GRM1: variants seen among roughly 807,000 people sequenced by gnomAD.
GRM1 encodes the protein metabotropic glutamate receptor 1.
In GRM1, 33 loss-of-function variants were observed where a neutral mutation model predicts 90.9. The ratio of observed to expected loss-of-function variants is 0.36; its 90% CI spans 0.28 to 0.49. GRM1 has a LOEUF of 0.49. Among genes scored for constraint, GRM1 ranks in the 20% least tolerant of loss-of-function variants. The pLI, the probability that GRM1 is intolerant of heterozygous loss-of-function variation, is 0.99. For synonymous variants in GRM1, 700 were observed against 613.2 expected, an observed-to-expected ratio of 1.14 and a Z score of -2.09; for missense variants, 1,190 against 1,534.3, an observed-to-expected ratio of 0.78 and a Z score of 3.75.
intron 3 of GRM1, among the ~76,000 whole-genome samples, chr6:146,341,308 T>C (rs1248705492): frequency 1.3e-5 from 2 of 152,204 alleles, no homozygotes; most frequent in East Asian, 3.9e-4. Flanking sequence ...TAGAATTGGC[T>C]CCTTGTTTAT....
intron 7 of GRM1, among the ~76,000 whole-genome samples, chr6:146,415,083 T>A (rs1038538841): frequency 6.6e-6 from 1 of 152,208 alleles, no homozygotes; most frequent in African/African-American, 2.4e-5. Context: ...ACTGGGTGGC[T>A]TATATACCAT....
At chr6:146,312,608 G>A (rs1783816396) in intron 3 of GRM1, among the ~76,000 whole-genome samples, 1 of 152,038 alleles carries the variant, frequency 6.6e-6, no homozygotes, top group Non-Finnish European at 1.5e-5. Flanking sequence ...TACCATATTG[G>A]ACAGCATAGA....
At chr6:146,132,688 C>T (rs1438984500) in intron 1 of GRM1, among the ~76,000 whole-genome samples, 2 of 152,204 alleles carry the variant, frequency 1.3e-5, no homozygotes, top group Non-Finnish European at 2.9e-5. Context: ...CCTAATCCTT[C>T]AGAATCAAGA....
chr6:146,243,039 T>G (rs564128110), intron 2 of GRM1, among the ~76,000 whole-genome samples: 1 of 152,246 alleles, frequency 6.6e-6, no homozygotes, highest in East Asian at 1.9e-4. Context: ...TGACCTTTAA[T>G]TAAGTAAGCC....
chr6:146,317,716 C>T (rs775797267), intron 3 of GRM1, among the ~76,000 whole-genome samples: 6 of 152,200 alleles, frequency 3.9e-5, no homozygotes, highest in African/African-American at 9.6e-5. Flanking sequence ...CTATCTGGAA[C>T]ATTGATAGTT....
Position 146,433,911 on chromosome 6 carries a change from A to C in GRM1, c.2700A>C (p.Gly900=), listed in dbSNP as rs761130301. Residue 900 remains glycine (G), a synonymous_variant, in exon 8 of 8, where the codon GGA becomes GGC. Transcript: ENST00000282753. ...GKSVSWSEPG[G]GQVPKGQHMW... ...CTGTGTCATGGTCTGAACCAGGTGG[A>C]GGACAGGTGCCCAAGGGACAGCATA... The C allele has an allele frequency of 6.2e-6, 10 of 1,613,886 alleles. No individual in the cohort carries two copies. Among genetic ancestry groups the C allele is most frequent in the Non-Finnish European group, 8.5e-6 (10 of 1,179,772 alleles).
At chr6:146,310,034 G>A (rs1783720453) in intron 3 of GRM1, among the ~76,000 whole-genome samples, 2 of 152,144 alleles carry the variant, frequency 1.3e-5, no homozygotes, top group African/African-American at 4.8e-5. Context: ...TGGACACAAT[G>A]ACTTTTAAAA....
chr6:146,032,389 A>G (rs987413032), intron 1 of GRM1, among the ~76,000 whole-genome samples: 1 of 152,198 alleles, frequency 6.6e-6, no homozygotes, highest in African/African-American at 2.4e-5. Flanking sequence ...TATTAAACGT[A>G]ACATCTGTAA....
intron 1 of GRM1, among the ~76,000 whole-genome samples, 166 bp from the exon 2 acceptor site, chr6:146,159,182 T>C (rs1039996275): frequency 6.6e-6 from 1 of 152,262 alleles, no homozygotes; most frequent in Non-Finnish European, 1.5e-5. Flanking sequence ...TTACATTTGA[T>C]TACTCTCTTT....
intron 1 of GRM1, among the ~76,000 whole-genome samples, chr6:146,091,895 G>A (rs1009279188): frequency 1.3e-5 from 2 of 152,076 alleles, no homozygotes; most frequent in Admixed American, 6.6e-5. Flanking sequence ...TCAGAGAAAA[G>A]TCAAGCTCAA....
chr6:146,434,380 G>T lies in GRM1; in HGVS notation c.3169G>T (p.Gly1057Cys), dbSNP rs1778521708. Reference sequence around the variant, plus strand: ...TCACGCGGTGCTGGCAGGCCCCGGTGGTCCCGGGAACGGGCTGCGGTCCCT... The same window carrying T: ...TCACGCGGTGCTGGCAGGCCCCGGTTGTCCCGGGAACGGGCTGCGGTCCCT... ...DFHAVLAGPG[G>C]PGNGLRSLYP... The change falls in exon 8 of 8, where the codon GGT becomes TGT. Residue 1057 changes from glycine (G) to cysteine (C), a missense_variant. Physicochemically the swap from Gly to Cys is radical, Grantham distance 159. This residue lies in a region of GRM1 where 400 missense variants were observed against 360.8 expected (regional missense o/e 1.11). Transcript: ENST00000282753. 6.2e-7 allele frequency: 1 copy of T among 1,613,130 alleles called. No individual in the cohort carries two copies. Among genetic ancestry groups the T allele is most frequent in the African/African-American group, 1.3e-5 (1 of 74,938 alleles).
intron 7 of GRM1, among the ~76,000 whole-genome samples, chr6:146,425,487 G>T (rs570143905): frequency 1.3e-5 from 2 of 151,682 alleles, no homozygotes; most frequent in East Asian, 1.9e-4. Flanking sequence ...TCTTTGATTT[G>T]CCAGGAGCCA....
intron 7 of GRM1, among the ~76,000 whole-genome samples, chr6:146,419,883 A>T (rs1014460692): frequency 1.3e-5 from 2 of 152,200 alleles, no homozygotes; most frequent in African/African-American, 4.8e-5. Context: ...TTACAATTTG[A>T]GATGGGATTT....
intron 3 of GRM1, among the ~76,000 whole-genome samples, chr6:146,334,620 A>G (rs1260048290): frequency 6.6e-6 from 1 of 152,184 alleles, no homozygotes; most frequent in Non-Finnish European, 1.5e-5. Context: ...ATTGGTCAGT[A>G]TGAATAAACT....
chr6:146,030,177 A>T lies in GRM1; in HGVS notation c.660A>T (p.Lys220Asn), dbSNP rs1406153340. Residue 220 changes from lysine to asparagine, a missense_variant, in exon 1 of 8, where the codon AAA becomes AAT. Lys to Asn is a moderately conservative substitution (Grantham distance 94). Transcript: ENST00000282753. The part of the protein sequence containing the change: ...LQARAMLDIV[K>N]RYNWTYVSAV... ...CAAGGGCCATGCTTGACATAGTCAA[A>T]CGTTACAATTGGACCTATGTCTCTG... The T allele has an allele frequency of 1.2e-6, 2 of 1,613,774 alleles. No homozygotes were observed. The highest frequency in any genetic ancestry group is 1.7e-5 in the Admixed American group (1 of 60,026).
chr6:146,377,104 T>C (rs1268065021), intron 5 of GRM1, among the ~76,000 whole-genome samples: 1 of 152,080 alleles, frequency 6.6e-6, no homozygotes, highest in Non-Finnish European at 1.5e-5. Context: ...TTAAACCTTT[T>C]TCCTTTATAA....
chr6:146,338,480 T>C (rs1784856969), intron 3 of GRM1, among the ~76,000 whole-genome samples: 1 of 152,234 alleles, frequency 6.6e-6, no homozygotes, highest in Non-Finnish European at 1.5e-5. Flanking sequence ...CACACATCCT[T>C]CTCAGGGCCT....
rs1162604541 is a variant in GRM1 at position 146,150,933 on chromosome 6, T to TGC, written c.701-8410_701-8409dup. On this transcript the variant is annotated intron_variant, in intron 1 of 7. Coordinates refer to ENST00000282753, the MANE Select transcript of GRM1 (RefSeq NM_001278064.2). The stretch of plus-strand genomic sequence containing the variant: ...TCCTGTATAAACACACACACGCGTG[T>TGC]GCGCGCACACACACACACACACACA... 3.3e-4 allele frequency among the ~76,000 whole-genome samples: 42 copies of TGC among 127,088 alleles called. 2 individuals are homozygous for TGC. The South Asian group carries it at 7.1e-3, about 21-fold the overall frequency. 83.4% of individuals were successfully genotyped at this position (127,088 alleles called of 152,430 possible).
rs192678444 is a variant in GRM1, at chr6:146,080,900, C to T, written c.700+50683C>T. Among the ~76,000 whole-genome samples the T allele has an allele frequency of 3.0e-4, 46 of 152,334 alleles. 1 individual carries two copies. Among genetic ancestry groups the T allele is most frequent in the African/African-American group, 1.1e-3 (45 of 41,576 alleles). ...GCATGTGCCCAAACATAGCCTTACA[C>T]ATTCCTACTGAATTTCCCACACCCA... On this transcript the variant is annotated intron_variant, in intron 1 of 7. Transcript: ENST00000282753.
Sources: allele counts gnomAD v4.1 joint callset (sites outside exome capture counted in the v4.1 genomes callset), GRCh38; gene constraint gnomAD v4.1.1; regional missense constraint gnomAD v4.1.1; transcripts MANE v1.5; gene names NCBI Gene and HGNC (gene_info 2026-07-23, HGNC 2026-07-21).